Variants in MEGF6 observed in about 807,000 individuals in gnomAD.
MEGF6 encodes the protein multiple epidermal growth factor-like domains protein 6.
Under a neutral mutation model 207.1 loss-of-function variants are expected in MEGF6, and 184 were observed. The observed-to-expected ratio is 0.89, with a 90% CI of 0.79 to 1.00. The LOEUF is 1.00. Among genes scored for constraint, MEGF6 ranks in the 50% least tolerant of loss-of-function variants. The probability of loss-of-function intolerance (pLI) is 0.00; values close to 1 mark genes in which losing one functional copy is unlikely to be tolerated. For missense variants in MEGF6, 2,282 were observed against 2,202.9 expected (o/e 1.04, Z -0.72); for synonymous variants, 1,038 against 910.0 (o/e 1.14, Z -2.53).
intron 4 of MEGF6, among the ~76,000 whole-genome samples, chr1:3,576,120 C>A (rs1643634687): frequency 6.6e-6 from 1 of 152,264 alleles, no homozygotes; most frequent in African/African-American, 2.4e-5. Context: ...CTGACTGTGA[C>A]TGCGCCGAGG....
At chr1:3,592,149 A>T (rs1329760994) in intron 3 of MEGF6, among the ~76,000 whole-genome samples, 3 of 152,164 alleles carry the variant, frequency 2.0e-5, no homozygotes, top group Non-Finnish European at 4.4e-5. Context: ...CAGTGGCCCC[A>T]GGAGAGCAGC....
intron 4 of MEGF6, among the ~76,000 whole-genome samples, chr1:3,540,491 G>T (rs1025058086): frequency 6.6e-6 from 1 of 152,230 alleles, no homozygotes; most frequent in Non-Finnish European, 1.5e-5. Flanking sequence ...GCCCATGGGC[G>T]AGGGATGCTG....
rs186808381 is a variant in MEGF6 at position 3,564,229 on chromosome 1, G to A, written c.481+15596C>T. Among the ~76,000 whole-genome samples, 113 of 151,764 alleles carry A rather than the reference G, an allele frequency of 7.4e-4. 1 individual carries two copies. In the East Asian group the frequency reaches 0.021, roughly 28 times the overall value. ...GGGTGCAGAAGGGCTGAGTCGGGGTGGGGGAGCTGAGTCAGGGGTGCAGGT... is the reference window on the plus strand; with the variant it reads ...GGGTGCAGAAGGGCTGAGTCGGGGTAGGGGAGCTGAGTCAGGGGTGCAGGT... On this transcript the variant is annotated intron_variant, in intron 4 of 36. Transcript: ENST00000356575.
intron 3 of MEGF6, among the ~76,000 whole-genome samples, chr1:3,593,527 A>G (rs1273187890): frequency 6.6e-6 from 1 of 150,570 alleles, no homozygotes; most frequent in African/African-American, 2.4e-5. Context: ...GGGAACAAAA[A>G]GCCCGCTCTC....
At chr1:3,534,826 C>A (rs1359169390) in intron 4 of MEGF6, among the ~76,000 whole-genome samples, 4 of 152,158 alleles carry the variant, frequency 2.6e-5, no homozygotes, top group African/African-American at 9.7e-5. Context: ...GCCATCACCT[C>A]CATACCCCCA....
rs375583174 is a variant in MEGF6, at chr1:3,598,171, C to T, written c.267-2724G>A. Reference sequence around the variant, plus strand: ...AGCCAACAGCCTGGGATCAAGGGCCCTTGAGCCTCTGGGAGTGGCCAAGGC... The same window carrying T: ...AGCCAACAGCCTGGGATCAAGGGCCTTTGAGCCTCTGGGAGTGGCCAAGGC... On this transcript the variant is annotated intron_variant, in intron 2 of 36. Coordinates refer to ENST00000356575, the MANE Select transcript of MEGF6 (RefSeq NM_001409.4). Among the ~76,000 whole-genome samples, 311 of 152,334 alleles carry T rather than the reference C, an allele frequency of 2.0e-3. 1 individual carries two copies. The highest frequency in any genetic ancestry group is 7.3e-3 in the African/African-American group (302 of 41,572).
chr1:3,503,478 A>G (rs1640984122), intron 17 of MEGF6, among the ~76,000 whole-genome samples: 1 of 151,856 alleles, frequency 6.6e-6, no homozygotes, highest in Admixed American at 6.6e-5. Context: ...GCAGAGGAGG[A>G]GCAGAGGAGG....
chr1:3,610,456 G>A (rs894103672), intron 1 of MEGF6, among the ~76,000 whole-genome samples: 1 of 152,034 alleles, frequency 6.6e-6, no homozygotes, highest in Non-Finnish European at 1.5e-5. Context: ...AGTGCTGGGT[G>A]GGGGCGCCAG....
At chr1:3,534,721 A>C (rs1642274558) in intron 4 of MEGF6, among the ~76,000 whole-genome samples, 1 of 152,056 alleles carries the variant, frequency 6.6e-6, no homozygotes, top group South Asian at 2.1e-4. Context: ...CGTCCTGGGA[A>C]CTGTCCACCT....
intron 14 of MEGF6, 67 bp downstream of exon 14, chr1:3,507,728 G>A: frequency 6.3e-7 from 1 of 1,598,850 alleles, no homozygotes; most frequent in Non-Finnish European, 8.6e-7. Context: ...ACGTGGAGGG[G>A]TGGTGTCTCC....
intron 4 of MEGF6, among the ~76,000 whole-genome samples, chr1:3,542,362 G>A (rs1570098789): frequency 1.3e-5 from 2 of 152,376 alleles, no homozygotes; most frequent in South Asian, 4.1e-4. Flanking sequence ...CATTTTATAG[G>A]TGGGAATGTT....
At position 3,490,415 on chromosome 1, in the gene MEGF6, G is replaced by T. The variant is rs1157855205; in HGVS notation, c.*113C>A. 5.9e-6 allele frequency: 7 copies of T among 1,196,056 alleles called. No individual in the cohort carries two copies. The highest frequency in any genetic ancestry group is 8.3e-6 in the Non-Finnish European group (7 of 838,800). The allele number at this position is 1,196,056 out of a possible 1,614,324, so 74.1% of individuals were successfully genotyped here. On this transcript the variant is annotated 3_prime_UTR_variant, in exon 37 of 37. Coordinates refer to ENST00000356575, the MANE Select transcript of MEGF6 (RefSeq NM_001409.4). The stretch of plus-strand genomic sequence containing the variant: ...CCACAGCCCTCCACGGCCCTCAAAG[G>T]AAGGGCAGTACCAGGAGCTCTGGGC...
At chr1:3,604,452 C>A (rs1644211767) in intron 1 of MEGF6, among the ~76,000 whole-genome samples, 1 of 152,218 alleles carries the variant, frequency 6.6e-6, no homozygotes, top group Non-Finnish European at 1.5e-5. Context: ...AATGGGGACC[C>A]TCCAGCTAGG....
chr1:3,515,175 C>T (rs891561647), intron 6 of MEGF6, among the ~76,000 whole-genome samples: 1 of 152,208 alleles, frequency 6.6e-6, no homozygotes, highest in East Asian at 1.9e-4. Context: ...AGTGCCAAAC[C>T]GGACTGGCCT....
intron 3 of MEGF6, among the ~76,000 whole-genome samples, chr1:3,584,442 G>C (rs977105609): frequency 1.3e-5 from 2 of 152,220 alleles, no homozygotes; most frequent in Non-Finnish European, 2.9e-5. Context: ...GTGACCACCA[G>C]GCGGATCAAG....
chr1:3,496,021 G>T lies in MEGF6; in HGVS notation c.3743-3C>A. ...GCCGAAGCGGCCCTGCGGACAGGCTGCCGGGGAGGAAGTGGTGATCGTGGC... is the reference window on the plus strand; with the variant it reads ...GCCGAAGCGGCCCTGCGGACAGGCTTCCGGGGAGGAAGTGGTGATCGTGGC... On this transcript the variant is annotated splice_polypyrimidine_tract_variant and splice_region_variant and intron_variant, in intron 29 of 36. Coordinates refer to ENST00000356575, the MANE Select transcript of MEGF6 (RefSeq NM_001409.4). The T allele has an allele frequency of 6.6e-7, 1 of 1,515,014 alleles. No individual in the cohort carries two copies. The highest frequency in any genetic ancestry group is 8.8e-7 in the Non-Finnish European group (1 of 1,137,652). The allele number at this position is 1,515,014 out of a possible 1,614,324, so 93.8% of individuals were successfully genotyped here.
At chr1:3,581,104 A>G (rs1643786821) in intron 3 of MEGF6, among the ~76,000 whole-genome samples, 1 of 152,170 alleles carries the variant, frequency 6.6e-6, no homozygotes, top group Non-Finnish European at 1.5e-5. Flanking sequence ...CCTGGCCTGG[A>G]CCACAGAGTG....
chr1:3,501,148 A>T, intron 19 of MEGF6, 29 bp downstream of exon 19: 1 of 1,612,502 alleles, frequency 6.2e-7, no homozygotes, highest in Non-Finnish European at 8.5e-7. Context: ...CCCAGGTCAA[A>T]GGCTCAGGGG....
the MEGF6 span, chr1:3,623,203 C>T: frequency 6.6e-6 from 1 of 151,450 alleles, no homozygotes; most frequent in East Asian, 2.0e-4. Flanking sequence ...CCCTCTTTCT[C>T]CCTCCCTCTC....
Sources: gnomAD v4.1 joint callset for allele counts (sites outside exome capture counted in the v4.1 genomes callset) on GRCh38, gnomAD v4.1.1 for gene constraint, MANE v1.5 for transcripts, NCBI Gene and HGNC (gene_info 2026-07-23, HGNC 2026-07-21) for gene names.